TEX9: variants seen among roughly 807,000 people sequenced by gnomAD.
The protein encoded by TEX9 is testis-expressed protein 9.
In TEX9, 74 loss-of-function variants were observed where a neutral mutation model predicts 59.6. That is an observed-to-expected ratio of 1.24 (90% CI 1.03 to 1.51). The LOEUF (loss-of-function observed/expected upper bound fraction) is 1.51, where lower values mean the gene tolerates loss of function less well. TEX9 is among the 40% of genes most tolerant of loss of function. The pLI, the probability that TEX9 is intolerant of heterozygous loss-of-function variation, is 0.00. For missense variants in TEX9, 522 were observed against 447.8 expected, an observed-to-expected ratio of 1.17 and a Z score of -1.49; for synonymous variants, 186 against 152.2, an observed-to-expected ratio of 1.22 and a Z score of -1.64.
At chr15:56,450,587 A>AT (rs527975098), downstream of TEX9, among the ~76,000 whole-genome samples, 494 of 149,326 alleles carry the variant, frequency 3.3e-3, 3 homozygotes, top group African/African-American at 0.01. Flanking sequence ...TCAGTGCTTC[A>AT]TTTTTTTTTT....
intron 1 of TEX9, among the ~76,000 whole-genome samples, chr15:56,273,612 G>A (rs2044601119): frequency 6.6e-6 from 1 of 151,402 alleles, no homozygotes. Context: ...GTCTAGCTCT[G>A]ATTCTTTCTG....
chr15:56,369,864 T>A (rs1446692340), intron 2 of TEX9, among the ~76,000 whole-genome samples: 1 of 152,192 alleles, frequency 6.6e-6, no homozygotes, highest in African/African-American at 2.4e-5. Context: ...GTATTAAAAA[T>A]CATCAATTAT....
chr15:56,268,664 A>C (rs548719090), intron 1 of TEX9, among the ~76,000 whole-genome samples: 2 of 150,686 alleles, frequency 1.3e-5, no homozygotes, highest in African/African-American at 4.9e-5. Flanking sequence ...CTTGCATCCC[A>C]GGGATGAAGC....
intron 1 of TEX9, among the ~76,000 whole-genome samples, chr15:56,247,566 A>G (rs1159986678): frequency 2.0e-5 from 3 of 152,226 alleles, no homozygotes; most frequent in African/African-American, 7.2e-5. Context: ...GGAATAATGC[A>G]TAGCACGGTG....
chr15:56,365,614 C>T lies in TEX9; in HGVS notation c.63C>T (p.Pro21=), dbSNP rs138456810. 753 of 1,614,074 alleles carry T rather than the reference C, an allele frequency of 4.7e-4. 6 individuals are homozygous for T. Among genetic ancestry groups the T allele is most frequent in the Admixed American group, 1.3e-4 (8 of 60,010 alleles). The change falls in exon 2 of 13, where the codon CCC becomes CCT. Residue 21 remains proline (P), a synonymous_variant. Transcript: ENST00000352903. Reference sequence around the variant, plus strand: ...TTCCAGGGACTCCGTTCCCGCCACCCGTTCAGCAACCCTCTACACCTGGAC... The same window carrying T: ...TTCCAGGGACTCCGTTCCCGCCACCTGTTCAGCAACCCTCTACACCTGGAC...
At position 56,322,834 on chromosome 15, in the gene TEX9, C is replaced by A. The variant is rs544973028; in HGVS notation, c.-106-50607C>A. Among the ~76,000 whole-genome samples, 4 of 119,718 alleles carry A rather than the reference C, an allele frequency of 3.3e-5. No homozygotes were observed. In the Admixed American group the frequency reaches 3.6e-4, roughly 11 times the overall value. The allele number at this position is 119,718 out of a possible 152,430, so 78.5% of individuals were successfully genotyped here. A position where few individuals can be genotyped will look rare whatever the true frequency, so the allele number is the denominator to read the frequency against. ...AATATTTTAATACAGTACATAATCACATTACAGTAAAAAAATATCACATGT... is the reference window on the plus strand; with the variant it reads ...AATATTTTAATACAGTACATAATCAAATTACAGTAAAAAAATATCACATGT... On this transcript the variant is annotated intron_variant, in intron 1 of 5. Transcript: ENST00000560827.
At position 56,443,524 on chromosome 15, in the gene TEX9, A is replaced by G. The variant is rs754003986; in HGVS notation, c.*30-2147A>G. On this transcript the variant is annotated intron_variant, in intron 12 of 12. Coordinates refer to ENST00000352903, the Ensembl canonical transcript of TEX9. ...TTCACGTTGCCGCAGCATTTCTTCT[A>G]ATTTCTGTGTCAACTATTAAATTTT... 2.5e-6 allele frequency: 4 copies of G among 1,594,562 alleles called. No individual in the cohort carries two copies. In the East Asian group the frequency reaches 6.7e-5, roughly 27 times the overall value.
chr15:56,380,960 T>C (rs1400152379), intron 3 of TEX9, among the ~76,000 whole-genome samples: 5 of 152,214 alleles, frequency 3.3e-5, no homozygotes, highest in Non-Finnish European at 7.3e-5. Context: ...CATTGATAAC[T>C]TTCTCAAGGT....
In TEX9 at chr15:56,412,386, G is replaced by T. The variant is rs753924550; in HGVS notation, c.913G>T (p.Glu305Ter). The T allele has an allele frequency of 6.2e-7, 1 of 1,613,128 alleles. No homozygotes were observed. The highest frequency in any genetic ancestry group is 8.5e-7 in the Non-Finnish European group (1 of 1,179,658). The change falls in exon 10 of 13, where the codon GAA becomes TAA. Residue 305 changes from glutamate (E) to a stop codon, truncating the protein, a stop_gained. Transcript: ENST00000352903. LOFTEE classifies it high-confidence loss of function. ...GGTTCGCTTGAATAGAGCTCTAGAA[G>T]AAGCAGAAAAGTATAAACTGGAGTT... is the stretch of plus-strand genomic sequence containing the variant.
chr15:56,261,410 A>C (rs1166046861), intron 1 of TEX9, among the ~76,000 whole-genome samples: 1 of 152,034 alleles, frequency 6.6e-6, no homozygotes, highest in African/African-American at 2.4e-5. Flanking sequence ...AATTTTAACC[A>C]AAAAATAATA....
chr15:56,427,633 T>C (rs777629749), exon 11 of TEX9: 11 of 1,543,486 alleles, frequency 7.1e-6, no homozygotes, highest in South Asian at 1.3e-5. Context: ...CACAAAAAAA[T>C]TGAAGTGTTA....
chr15:56,251,491 T>C lies in TEX9; in HGVS notation c.-107+7213T>C, dbSNP rs558765747. The stretch of plus-strand genomic sequence containing the variant: ...CAATAAAACCTTTGCCCAAGGAAGA[T>C]GTTAGTAATTAGCTAACGGATTGAT... On this transcript the variant is annotated intron_variant, in intron 1 of 5. Transcript: ENST00000560827. 2.0e-5 allele frequency among the ~76,000 whole-genome samples: 3 copies of C among 152,308 alleles called. No homozygotes were observed. In the South Asian group the frequency reaches 6.2e-4, roughly 32 times the overall value.
At position 56,384,048 on chromosome 15, in the gene TEX9, C is replaced by A; in HGVS notation, c.263+17C>A. On this transcript the variant is annotated intron_variant, in intron 4 of 12. Transcript: ENST00000352903. ...CAGTTTAAGGTAAGTATCTTAAATTCTCAAGCACCTTCTTTTAAAAGGATG... is the reference window on the plus strand; with the variant it reads ...CAGTTTAAGGTAAGTATCTTAAATTATCAAGCACCTTCTTTTAAAAGGATG... The A allele has an allele frequency of 6.3e-7, 1 of 1,578,866 alleles. No homozygotes were observed. The highest frequency in any genetic ancestry group is 8.7e-7 in the Non-Finnish European group (1 of 1,154,912).
chr15:56,261,737 T>C (rs1010148539), intron 1 of TEX9, among the ~76,000 whole-genome samples: 1 of 151,784 alleles, frequency 6.6e-6, no homozygotes, highest in Non-Finnish European at 1.5e-5. Context: ...AATTATTAAC[T>C]GTACCAGGTC....
At chr15:56,429,345 T>C in intron 12 of TEX9, 3 of 571,368 alleles carry the variant, frequency 5.3e-6, no homozygotes, top group Non-Finnish European at 8.9e-6. Context: ...ATCAATACTT[T>C]TCAAAAAATA....
chr15:56,454,823 A>G, the TEX9 span, among the ~76,000 whole-genome samples: 1 of 152,082 alleles, frequency 6.6e-6, no homozygotes, highest in Non-Finnish European at 1.5e-5. Context: ...TTGTCTCTCC[A>G]TGCTTTATTC....
chr15:56,382,921 A>C (rs532281216), intron 3 of TEX9, among the ~76,000 whole-genome samples: 49 of 152,138 alleles, frequency 3.2e-4, no homozygotes, highest in Non-Finnish European at 6.5e-4. Flanking sequence ...GTGCCAGCCT[A>C]GTCCTCTGGC....
intron 10 of TEX9, among the ~76,000 whole-genome samples, chr15:56,423,866 A>G (rs1175651546): frequency 6.6e-6 from 1 of 152,150 alleles, no homozygotes; most frequent in Non-Finnish European, 1.5e-5. Flanking sequence ...TGGTGCACCC[A>G]TCACCCGAGC....
At chr15:56,247,430 A>G (rs2043886246) in intron 1 of TEX9, among the ~76,000 whole-genome samples, 1 of 152,290 alleles carries the variant, frequency 6.6e-6, no homozygotes, top group South Asian at 2.1e-4. Context: ...CATGGCTGGC[A>G]TTTTAATTGG....
Sources: gnomAD v4.1 joint callset for allele counts (sites outside exome capture counted in the v4.1 genomes callset) on GRCh38, gnomAD v4.1.1 for gene constraint, MANE v1.5 for transcripts, NCBI Gene and HGNC (gene_info 2026-07-23, HGNC 2026-07-21) for gene names.